Variants in DPP6 observed in about 807,000 individuals in gnomAD.
The protein encoded by DPP6 is A-type potassium channel modulatory protein DPP6.
A neutral mutation model predicts 122.6 loss-of-function variants in DPP6; 69 were observed. That is an observed-to-expected ratio of 0.56 (90% CI 0.46 to 0.69). DPP6 has a LOEUF of 0.69. Ranked by LOEUF, DPP6 falls within the 30% of genes least tolerant of loss-of-function variation. The pLI is 0.00. For missense variants in DPP6, 928 were observed against 1,116.9 expected (o/e 0.83, Z 2.41); for synonymous variants, 418 against 433.1 (o/e 0.97, Z 0.43).
chr7:154,506,584 AAATTAATGTGAT>A lies in DPP6; in HGVS notation c.457+31549_457+31560del, dbSNP rs1825682709. 2.0e-5 allele frequency among the ~76,000 whole-genome samples: 3 copies of A among 152,316 alleles called. No homozygotes were observed. The South Asian group carries it at 6.2e-4, about 32-fold the overall frequency. Reference sequence around the variant, plus strand: ...TGTCTTGTTTGGCTTATTTAGTATCAAATTAATGTGATACTCAGTGTTTCATTAAGTTCCTCC... The same window carrying A: ...TGTCTTGTTTGGCTTATTTAGTATCAACTCAGTGTTTCATTAAGTTCCTCC... On this transcript the variant is annotated intron_variant, in intron 3 of 25. Coordinates refer to ENST00000377770, the MANE Select transcript of DPP6 (RefSeq NM_130797.4).
chr7:154,582,478 G>A (rs981895168), intron 5 of DPP6, among the ~76,000 whole-genome samples: 2 of 152,134 alleles, frequency 1.3e-5, no homozygotes, highest in African/African-American at 2.4e-5. Context: ...TGAGATGGCC[G>A]AGCTGAGTGG....
At chr7:154,405,278 T>C (rs759651455) in intron 1 of DPP6, among the ~76,000 whole-genome samples, 2 of 152,206 alleles carry the variant, frequency 1.3e-5, no homozygotes, top group African/African-American at 4.8e-5. Context: ...AAGGAAATGA[T>C]ACTAGGTGGA....
intron 7 of DPP6, among the ~76,000 whole-genome samples, chr7:154,669,948 C>T (rs1272556774): frequency 6.6e-6 from 1 of 152,182 alleles, no homozygotes; most frequent in Non-Finnish European, 1.5e-5. Context: ...CAACCTCCAC[C>T]TCCTGTGTTC....
chr7:154,129,174 G>T (rs1277689347), intron 1 of DPP6, among the ~76,000 whole-genome samples: 1 of 152,052 alleles, frequency 6.6e-6, no homozygotes, highest in Non-Finnish European at 1.5e-5. Flanking sequence ...CAGAGAGGAA[G>T]ATTATAGAAG....
At chr7:153,850,420 G>A in the DPP6 span, among the ~76,000 whole-genome samples, 17 of 152,314 alleles carry the variant, frequency 1.1e-4, no homozygotes, top group Admixed American at 3.3e-4. Flanking sequence ...CAGCAAGGGA[G>A]CGAGTCTACT....
chr7:154,689,984 T>C (rs1398612249), intron 7 of DPP6, among the ~76,000 whole-genome samples: 1 of 152,176 alleles, frequency 6.6e-6, no homozygotes, highest in Non-Finnish European at 1.5e-5. Flanking sequence ...CAGGAATACA[T>C]CTTTCGCATG....
upstream of DPP6, among the ~76,000 whole-genome samples, chr7:153,884,195 G>A (rs569577561): frequency 2.1e-3 from 312 of 152,164 alleles, 2 homozygotes; most frequent in South Asian, 4.0e-3. Context: ...AGTGTGTGAT[G>A]TTCCCCTTCC....
At chr7:154,047,887 C>G (rs1478276212), upstream of DPP6, among the ~76,000 whole-genome samples, 4 of 144,866 alleles carry the variant, frequency 2.8e-5, no homozygotes, top group East Asian at 8.0e-4. Flanking sequence ...AGATGAAGAA[C>G]TAGGGGAGAA....
chr7:154,508,299 T>C (rs1280297210), intron 3 of DPP6, among the ~76,000 whole-genome samples: 2 of 152,142 alleles, frequency 1.3e-5, no homozygotes, highest in Admixed American at 1.3e-4. Context: ...TTTATTTCTT[T>C]CTCACGTTGC....
intron 3 of DPP6, among the ~76,000 whole-genome samples, chr7:154,479,231 G>A (rs1823013748): frequency 6.6e-6 from 1 of 152,132 alleles, no homozygotes; most frequent in Non-Finnish European, 1.5e-5. Flanking sequence ...CAACTACTGG[G>A]GCAAGCCAAA....
intron 1 of DPP6, among the ~76,000 whole-genome samples, chr7:154,313,825 T>G (rs1807185442): frequency 6.7e-6 from 1 of 149,812 alleles, no homozygotes; most frequent in Non-Finnish European, 1.5e-5. Flanking sequence ...ATATAATTAT[T>G]AATACAATTT....
intron 1 of DPP6, among the ~76,000 whole-genome samples, chr7:154,415,216 T>C (rs865781300): frequency 1.2e-4 from 19 of 152,190 alleles, no homozygotes; most frequent in African/African-American, 4.6e-4. Context: ...TATTCACATG[T>C]AGAAGACTCA....
chr7:154,226,213 C>T (rs948836403), intron 1 of DPP6, among the ~76,000 whole-genome samples: 1 of 152,166 alleles, frequency 6.6e-6, no homozygotes, highest in African/African-American at 2.4e-5. Context: ...CAAATGGCAT[C>T]ATGTCTGCAA....
intron 16 of DPP6, among the ~76,000 whole-genome samples, chr7:154,839,985 A>G (rs547328614): frequency 1.3e-5 from 2 of 152,316 alleles, no homozygotes; most frequent in South Asian, 4.2e-4. Context: ...GGAGGTATTT[A>G]GCAGGCACAG....
At chr7:154,060,617 C>G (rs1415689688) in intron 1 of DPP6, among the ~76,000 whole-genome samples, 4 of 142,698 alleles carry the variant, frequency 2.8e-5, no homozygotes, top group Admixed American at 2.8e-4. Context: ...CCCCCTGGCT[C>G]TGAGGACCCC....
At chr7:154,157,196 C>T (rs1475969565) in intron 1 of DPP6, among the ~76,000 whole-genome samples, 1 of 152,278 alleles carries the variant, frequency 6.6e-6, no homozygotes, top group East Asian at 1.9e-4. Flanking sequence ...ATATGTGACA[C>T]ATCCTTATCT....
chr7:154,596,277 A>G (rs932922870), intron 5 of DPP6, among the ~76,000 whole-genome samples: 2 of 152,186 alleles, frequency 1.3e-5, no homozygotes, highest in Admixed American at 6.5e-5. Flanking sequence ...TTTTTCCTTC[A>G]TGCTTTCATT....
chr7:154,754,268 CTATG>C (rs1333864236), intron 8 of DPP6, among the ~76,000 whole-genome samples: 2 of 152,144 alleles, frequency 1.3e-5, no homozygotes, highest in Non-Finnish European at 2.9e-5. Flanking sequence ...TAAAGCCAGA[CTATG>C]TAAAAAATAT....
intron 5 of DPP6, among the ~76,000 whole-genome samples, chr7:154,576,787 C>G (rs1484204588): frequency 1.3e-5 from 2 of 152,134 alleles, no homozygotes; most frequent in Non-Finnish European, 2.9e-5. Flanking sequence ...CACGGAGACC[C>G]TGGTAGGTGT....
Sources: allele counts gnomAD v4.1 joint callset (sites outside exome capture counted in the v4.1 genomes callset), GRCh38; gene constraint gnomAD v4.1.1; transcripts MANE v1.5; gene names NCBI Gene and HGNC (gene_info 2026-07-23, HGNC 2026-07-21).